LRRC7: variants seen among roughly 807,000 people sequenced by gnomAD.
LRRC7 encodes leucine rich repeat containing 7.
LRRC7 carries 23 observed loss-of-function variants against 175.7 expected under a neutral mutation model. The observed-to-expected ratio is 0.13, with a 90% CI of 0.09 to 0.19. LRRC7 has a LOEUF of 0.19. Among genes scored for constraint, LRRC7 ranks in the 10% least tolerant of loss-of-function variants. LRRC7 has a pLI of 1.00. For synonymous variants in LRRC7, 685 were observed against 680.9 expected (o/e 1.01, Z -0.09); for missense variants, 1,354 against 1,904.7 (o/e 0.71, Z 5.38).
At chr1:69,928,768 G>A (rs1285358575) in intron 7 of LRRC7, among the ~76,000 whole-genome samples, 1 of 152,208 alleles carries the variant, frequency 6.6e-6, no homozygotes, top group Non-Finnish European at 1.5e-5. Flanking sequence ...CCCAAGTGAG[G>A]CAATGCCTCG....
intron 2 of LRRC7, among the ~76,000 whole-genome samples, chr1:69,749,816 C>T (rs557484711): frequency 5.9e-5 from 9 of 152,078 alleles, no homozygotes; most frequent in Non-Finnish European, 8.8e-5. Context: ...GTAATCCCAG[C>T]ACTTTGGGAG....
At chr1:69,911,848 G>A (rs569206646) in intron 7 of LRRC7, among the ~76,000 whole-genome samples, 307 of 151,508 alleles carry the variant, frequency 2.0e-3, no homozygotes, top group Non-Finnish European at 3.5e-3. Context: ...TGATACACCC[G>A]TCAGGGTATC....
chr1:69,838,371 G>A lies in LRRC7; in HGVS notation c.647+88G>A, dbSNP rs562643362. On this transcript the variant is annotated intron_variant, in intron 7 of 26. Coordinates refer to ENST00000651989, the MANE Select transcript of LRRC7 (RefSeq NM_001370785.2). Reference sequence around the variant, plus strand: ...CTACTTTTATTTTGTCTGTGTTTTGGCACTTTGAGTTAATTTATCTACACA... The same window carrying A: ...CTACTTTTATTTTGTCTGTGTTTTGACACTTTGAGTTAATTTATCTACACA... 8.0e-5 allele frequency: 87 copies of A among 1,094,296 alleles called. No individual in the cohort carries two copies. In the East Asian group the frequency reaches 1.9e-3, roughly 24 times the overall value. The allele number at this position is 1,094,296 out of a possible 1,614,324, so 67.8% of individuals were successfully genotyped here.
intron 5 of LRRC7, among the ~76,000 whole-genome samples, chr1:69,829,799 T>G (rs2101283099): frequency 6.6e-6 from 1 of 151,940 alleles, no homozygotes; most frequent in East Asian, 1.9e-4. Context: ...TGCAGGAAAG[T>G]AAAGGCAACT....
At chr1:69,832,006 T>C (rs970447387) in intron 5 of LRRC7, among the ~76,000 whole-genome samples, 1 of 152,192 alleles carries the variant, frequency 6.6e-6, no homozygotes, top group Non-Finnish European at 1.5e-5. Flanking sequence ...ACTAAGAATG[T>C]ATAAAGAATT....
chr1:69,778,947 TAC>T (rs777188329), intron 3 of LRRC7, among the ~76,000 whole-genome samples: 33 of 136,494 alleles, frequency 2.4e-4, no homozygotes, highest in African/African-American at 4.4e-4. Context: ...TACACATATA[TAC>T]ACACACACAA....
At chr1:69,944,764 T>C (rs1056131503) in intron 8 of LRRC7, among the ~76,000 whole-genome samples, 4 of 152,108 alleles carry the variant, frequency 2.6e-5, no homozygotes, top group African/African-American at 9.7e-5. Flanking sequence ...TGATTATTAC[T>C]GATGTTGAGC....
At chr1:69,805,307 T>C (rs1407858221) in intron 4 of LRRC7, among the ~76,000 whole-genome samples, 3 of 151,742 alleles carry the variant, frequency 2.0e-5, no homozygotes, top group Non-Finnish European at 4.4e-5. Context: ...ATATGGGTAA[T>C]CAGTTAAATG....
At chr1:70,006,038 T>A (rs1655968488) in intron 11 of LRRC7, among the ~76,000 whole-genome samples, 1 of 152,156 alleles carries the variant, frequency 6.6e-6, no homozygotes, top group Admixed American at 6.5e-5. Flanking sequence ...TTAAATATGA[T>A]AACTGTTTTA....
intron 12 of LRRC7, 81 bp from the exon 13 acceptor site, chr1:70,012,893 T>C (rs1656640919): frequency 1.5e-6 from 1 of 658,814 alleles, no homozygotes; most frequent in East Asian, 3.8e-5. Context: ...ATCTACTAAA[T>C]TGTTTTAAAA....
chr1:69,689,086 G>A (rs1365178312), intron 2 of LRRC7, among the ~76,000 whole-genome samples: 1 of 152,156 alleles, frequency 6.6e-6, no homozygotes, highest in Non-Finnish European at 1.5e-5. Context: ...TTTGAGCCCT[G>A]TAGTTTATGA....
intron 4 of LRRC7, among the ~76,000 whole-genome samples, chr1:69,797,983 A>C (rs572432056): frequency 7.2e-5 from 11 of 152,152 alleles, no homozygotes; most frequent in African/African-American, 2.4e-4. Flanking sequence ...GTGCAATGGC[A>C]TGATCTTGGC....
At chr1:70,097,583 G>A (rs1664500621) in intron 25 of LRRC7, among the ~76,000 whole-genome samples, 1 of 149,616 alleles carries the variant, frequency 6.7e-6, no homozygotes, top group Non-Finnish European at 1.5e-5. Context: ...CTAGCATTAG[G>A]TATATCTCCC....
At chr1:69,694,762 C>T (rs1662352347) in intron 2 of LRRC7, among the ~76,000 whole-genome samples, 1 of 151,804 alleles carries the variant, frequency 6.6e-6, no homozygotes, top group African/African-American at 2.4e-5. Context: ...CCTCTTCCTC[C>T]TTCTCAGCAT....
At chr1:69,686,584 G>A (rs1661175326) in intron 2 of LRRC7, among the ~76,000 whole-genome samples, 2 of 151,922 alleles carry the variant, frequency 1.3e-5, no homozygotes, top group Non-Finnish European at 1.5e-5. Flanking sequence ...CCACTAAGAA[G>A]ACTACAAAAT....
At chr1:70,061,366 C>G (rs1661562638) in intron 23 of LRRC7, among the ~76,000 whole-genome samples, 1 of 152,030 alleles carries the variant, frequency 6.6e-6, no homozygotes, top group Admixed American at 6.6e-5. Context: ...ATCTTGTTCC[C>G]CTACCCTCCT....
chr1:69,915,453 A>T (rs1007212427), intron 7 of LRRC7, among the ~76,000 whole-genome samples: 9 of 152,200 alleles, frequency 5.9e-5, no homozygotes, highest in Admixed American at 1.3e-4. Flanking sequence ...TTTGATAGAA[A>T]AACTTCTGGC....
intron 7 of LRRC7, among the ~76,000 whole-genome samples, chr1:69,871,431 A>G (rs998252747): frequency 6.6e-6 from 1 of 152,040 alleles, no homozygotes; most frequent in African/African-American, 2.4e-5. Context: ...ATTAAGTTGC[A>G]CGTTTCAGAA....
At chr1:69,804,815 A>T (rs1317605354) in intron 4 of LRRC7, among the ~76,000 whole-genome samples, 1 of 151,750 alleles carries the variant, frequency 6.6e-6, no homozygotes, top group Non-Finnish European at 1.5e-5. Flanking sequence ...CTAAATAAGT[A>T]GTCCATGCAT....
Sources: allele counts gnomAD v4.1 joint callset (sites outside exome capture counted in the v4.1 genomes callset), GRCh38; gene constraint gnomAD v4.1.1; transcripts MANE v1.5; gene names NCBI Gene and HGNC (gene_info 2026-07-23, HGNC 2026-07-21).